The following CERS6 variants were observed in gnomAD, a reference collection of about 807,000 sequenced individuals.
The protein encoded by CERS6 is ceramide synthase 6.
CERS6 carries 26 observed loss-of-function variants against 56.8 expected under a neutral mutation model. That is an observed-to-expected ratio of 0.46 (90% CI 0.34 to 0.63). The LOEUF is 0.63. Ranked by LOEUF, CERS6 falls within the 30% of genes least tolerant of loss-of-function variation. CERS6 has a pLI of 0.01. For missense variants in CERS6, 415 were observed against 467.5 expected (o/e 0.89, Z 1.04); for synonymous variants, 164 against 173.3 (o/e 0.95, Z 0.42).
chr2:168,575,660 T>C (rs1475977590), intron 3 of CERS6, among the ~76,000 whole-genome samples: 1 of 152,232 alleles, frequency 6.6e-6, no homozygotes, highest in Non-Finnish European at 1.5e-5. Flanking sequence ...GCACTGTGAT[T>C]GCCTCTGAAG....
chr2:168,600,714 C>A (rs1170580321), intron 3 of CERS6, among the ~76,000 whole-genome samples: 2 of 152,166 alleles, frequency 1.3e-5, no homozygotes, highest in African/African-American at 2.4e-5. Context: ...CATCTCATTT[C>A]TTGACTGGAG....
At chr2:168,659,114 A>G (rs1685563958) in intron 4 of CERS6, among the ~76,000 whole-genome samples, 2 of 152,186 alleles carry the variant, frequency 1.3e-5, no homozygotes. Context: ...AGACATTATA[A>G]ATTTTCTTCT....
chr2:168,618,295 G>A (rs1684368292), intron 3 of CERS6, among the ~76,000 whole-genome samples: 2 of 152,120 alleles, frequency 1.3e-5, no homozygotes, highest in South Asian at 2.1e-4. Context: ...GGGAAAAGTT[G>A]AAAGCATTCC....
chr2:168,727,547 CAAAAA>C (rs1210219437), intron 8 of CERS6, among the ~76,000 whole-genome samples: 2 of 87,546 alleles, frequency 2.3e-5, no homozygotes, highest in Admixed American at 1.3e-4. Context: ...GACTCCATCT[CAAAAA>C]AAAAAAAAAA....
At chr2:168,462,192 AT>A (rs1300763547) in intron 1 of CERS6, among the ~76,000 whole-genome samples, 2 of 151,912 alleles carry the variant, frequency 1.3e-5, no homozygotes, top group Admixed American at 6.6e-5. Context: ...AAATTTTATT[AT>A]TTTTTTTCCT....
chr2:168,550,816 A>T (rs1263310395), intron 2 of CERS6, among the ~76,000 whole-genome samples: 1 of 152,204 alleles, frequency 6.6e-6, no homozygotes, highest in Non-Finnish European at 1.5e-5. Flanking sequence ...GCACTGGGGT[A>T]GCTGCCTCCA....
chr2:168,739,452 C>G (rs1406893845), intron 8 of CERS6, among the ~76,000 whole-genome samples: 3 of 152,112 alleles, frequency 2.0e-5, no homozygotes, highest in Middle Eastern at 3.4e-3. Flanking sequence ...TTAAAAATTT[C>G]CATGAAAATT....
At chr2:168,747,984 A>G (rs77569293) in intron 8 of CERS6, among the ~76,000 whole-genome samples, 21 of 152,322 alleles carry the variant, frequency 1.4e-4, no homozygotes, top group African/African-American at 4.8e-4. Flanking sequence ...CATTTTGTTC[A>G]TGTTTTCATA....
intron 1 of CERS6, among the ~76,000 whole-genome samples, chr2:168,526,533 T>A (rs1053575745): frequency 2.6e-5 from 4 of 152,354 alleles, no homozygotes; most frequent in Middle Eastern, 3.4e-3. Context: ...CACCAGTGTA[T>A]CATTTAATTC....
At chr2:168,726,218 G>A (rs191084197) in intron 8 of CERS6, among the ~76,000 whole-genome samples, 29 of 152,294 alleles carry the variant, frequency 1.9e-4, no homozygotes, top group Admixed American at 7.2e-4. Flanking sequence ...TTAATACACA[G>A]AGAAAGGAGA....
At chr2:168,579,467 T>G (rs1274338183) in intron 3 of CERS6, among the ~76,000 whole-genome samples, 1 of 152,164 alleles carries the variant, frequency 6.6e-6, no homozygotes, top group African/African-American at 2.4e-5. Flanking sequence ...ATACTTCTTT[T>G]CCAATTCCTT....
intron 4 of CERS6, among the ~76,000 whole-genome samples, chr2:168,679,735 G>A (rs1686163272): frequency 1.3e-5 from 2 of 152,144 alleles, no homozygotes; most frequent in South Asian, 4.1e-4. Context: ...TGTTTATGAG[G>A]TTTACGATGA....
chr2:168,596,250 T>C (rs912006691), intron 3 of CERS6, among the ~76,000 whole-genome samples: 7 of 152,228 alleles, frequency 4.6e-5, no homozygotes, highest in Middle Eastern at 3.4e-3. Flanking sequence ...TTGGATCTTA[T>C]TGAGGGTACC....
intron 4 of CERS6, among the ~76,000 whole-genome samples, chr2:168,634,670 C>T (rs1296182088): frequency 6.6e-6 from 1 of 152,170 alleles, no homozygotes; most frequent in South Asian, 2.1e-4. Context: ...GCCTCGGCCT[C>T]CCAAAGTGCT....
chr2:168,586,342 A>G (rs909670249), intron 3 of CERS6, among the ~76,000 whole-genome samples: 1 of 152,190 alleles, frequency 6.6e-6, no homozygotes. Flanking sequence ...TTTGCCCATT[A>G]TAAAACACCC....
At chr2:168,769,343 A>G (rs1684805670) in intron 9 of CERS6, among the ~76,000 whole-genome samples, 167 bp from the exon 10 acceptor site, 1 of 152,186 alleles carries the variant, frequency 6.6e-6, no homozygotes, top group African/African-American at 2.4e-5. Context: ...CCTACATTTT[A>G]TCTCTCCAAT....
chr2:168,651,427 A>AAGATTGTTT (rs1685337416), intron 4 of CERS6, among the ~76,000 whole-genome samples: 1 of 152,220 alleles, frequency 6.6e-6, no homozygotes. Flanking sequence ...GGGGAAATAG[A>AAGATTGTTT]AGATTGTTTA....
At chr2:168,645,578 T>C (rs1286060059) in intron 4 of CERS6, among the ~76,000 whole-genome samples, 1 of 152,174 alleles carries the variant, frequency 6.6e-6, no homozygotes, top group East Asian at 1.9e-4. Context: ...ATGTGAAGGT[T>C]TGTTACAGAG....
At chr2:168,686,240 G>GCGC (rs1686347674) in intron 4 of CERS6, among the ~76,000 whole-genome samples, 1 of 150,430 alleles carries the variant, frequency 6.6e-6, no homozygotes. Flanking sequence ...CTCTGAGCAC[G>GCGC]CGCGTGGAGA....
Sources: allele counts gnomAD v4.1 joint callset (sites outside exome capture counted in the v4.1 genomes callset), GRCh38; gene constraint gnomAD v4.1.1; transcripts MANE v1.5; gene names NCBI Gene and HGNC (gene_info 2026-07-23, HGNC 2026-07-21).